Variants in EFCC1 observed in about 807,000 individuals in gnomAD.
EFCC1 encodes EF-hand and coiled-coil domain containing 1.
Under a neutral mutation model 52.1 loss-of-function variants are expected in EFCC1, and 50 were observed. The ratio of observed to expected loss-of-function variants is 0.96; its 90% CI spans 0.76 to 1.21. The LOEUF (loss-of-function observed/expected upper bound fraction) is 1.21. Ranked by LOEUF, EFCC1 falls within the 50% of genes most tolerant of loss-of-function variation. The pLI is 0.00. For missense variants in EFCC1, 837 were observed against 867.3 expected (o/e 0.97, Z 0.44); for synonymous variants, 399 against 396.5 (o/e 1.01, Z -0.08).
Position 129,001,837 on chromosome 3 carries a change from G to GCGCCGGCCGTCTGCCCCGCGC in EFCC1, c.212_232dup (p.Ala71_Ala77dup). ...GTCTTCCACCACCTGGACTGCCGCGGCGCCGGCCGTCTGCCCCGCGCCGAC... is the reference window on the plus strand; with the variant it reads ...GTCTTCCACCACCTGGACTGCCGCGGCGCCGGCCGTCTGCCCCGCGCCGCCGGCCGTCTGCCCCGCGCCGAC... On this transcript the variant is annotated inframe_insertion, in exon 1 of 8. Coordinates refer to ENST00000683648, the MANE Select transcript of EFCC1 (RefSeq NM_001377500.1). The GCGCCGGCCGTCTGCCCCGCGC allele has an allele frequency of 6.5e-7, 1 of 1,545,728 alleles. No individual in the cohort carries two copies. The highest frequency in any genetic ancestry group is 8.7e-7 in the Non-Finnish European group (1 of 1,145,650).
chr3:129,036,935 G>C, intron 5 of EFCC1, 42 bp from the exon 6 acceptor site: 1 of 1,612,574 alleles, frequency 6.2e-7, no homozygotes, highest in Non-Finnish European at 8.5e-7. Flanking sequence ...GGAAGGCTGG[G>C]AGAGGCCAGC....
rs543402046 is a variant in EFCC1 at position 129,003,845 on chromosome 3, C to G, written c.748C>G (p.Pro250Ala). 4.3e-4 allele frequency: 627 copies of G among 1,456,832 alleles called. 6 individuals are homozygous for G. The South Asian group carries it at 7.7e-3, about 18-fold the overall frequency. 90.2% of individuals were successfully genotyped at this position (1,456,832 alleles called of 1,614,324 possible). A position where few individuals can be genotyped will look rare whatever the true frequency, so the allele number is the denominator to read the frequency against. ...ASTHEMGHGG[P>A]EAAVRELRQA... is the part of the protein sequence containing the mutation. ...CACCCACGAGATGGGGCACGGCGGG[C>G]CGGAGGCTGCGGTGCGGGAGCTGCG... Residue 250 changes from proline to alanine, a missense_variant, in exon 2 of 8, where the codon CCG (proline) becomes GCG (alanine). Transcript: ENST00000683648.
rs189443448 is a variant in EFCC1, at chr3:129,012,749, A to G, written c.980+8672A>G. ...GGTTGGTGCTGTTACCAGGAGACAG[A>G]AAAGGATGCAGGTTAGACAGAAAAC... On this transcript the variant is annotated intron_variant, in intron 2 of 7. Transcript: ENST00000683648. 4.6e-5 allele frequency among the ~76,000 whole-genome samples: 7 copies of G among 152,338 alleles called. No individual in the cohort carries two copies. The East Asian group carries it at 1.2e-3, about 25-fold the overall frequency.
chr3:129,013,630 A>G (rs72979106), intron 2 of EFCC1, among the ~76,000 whole-genome samples: 24,930 of 152,076 alleles, frequency 0.16, 6,062 homozygotes, highest in African/African-American at 0.53. Context: ...CATAGGCCAC[A>G]CCCATCCTGG....
At chr3:129,027,623 A>G (rs1298882247) in intron 2 of EFCC1, among the ~76,000 whole-genome samples, 1 of 152,170 alleles carries the variant, frequency 6.6e-6, no homozygotes, top group Non-Finnish European at 1.5e-5. Flanking sequence ...ATATTTGGTC[A>G]TAGGAAGTCC....
chr3:129,027,652 A>C (rs1946163387), intron 2 of EFCC1, among the ~76,000 whole-genome samples: 1 of 152,086 alleles, frequency 6.6e-6, no homozygotes, highest in Non-Finnish European at 1.5e-5. Context: ...AGTCCATGTA[A>C]AACATGTAAA....
chr3:129,007,659 G>C (rs1021866028), intron 2 of EFCC1, among the ~76,000 whole-genome samples: 2 of 152,224 alleles, frequency 1.3e-5, no homozygotes, highest in Non-Finnish European at 2.9e-5. Flanking sequence ...TTGGGGTTGG[G>C]AGTGGTTTTA....
At chr3:129,036,565 G>A (rs1175843074) in intron 5 of EFCC1, among the ~76,000 whole-genome samples, 1 of 152,258 alleles carries the variant, frequency 6.6e-6, no homozygotes, top group Non-Finnish European at 1.5e-5. Context: ...TGGCTGGAGA[G>A]GGTCTTTCTC....
chr3:129,032,928 C>G lies in EFCC1; in HGVS notation c.1248C>G (p.Ala416=), dbSNP rs2107937181. 1.3e-6 allele frequency: 2 copies of G among 1,550,222 alleles called. No homozygotes were observed. Among genetic ancestry groups the G allele is most frequent in the Middle Eastern group, 1.8e-4 (1 of 5,660 alleles). Residue 416 remains alanine, a synonymous_variant, in exon 4 of 8, where the codon GCC becomes GCG. Coordinates refer to ENST00000683648, the MANE Select transcript of EFCC1 (RefSeq NM_001377500.1). The part of the protein sequence containing the change: ...QEEKKTPAAE[A]KTLLARLSSC... The stretch of plus-strand genomic sequence containing the variant: ...AGAAGAAGACGCCGGCAGCCGAGGC[C>G]AAGACACTGCTGGCCCGGCTCTCCA...
rs1342416908 is a variant in EFCC1 at position 129,028,489 on chromosome 3, A to G, written c.981-2214A>G. 2.0e-5 allele frequency among the ~76,000 whole-genome samples: 3 copies of G among 152,116 alleles called. No homozygotes were observed. The East Asian group carries it at 5.8e-4, about 29-fold the overall frequency. ...TAGGACTTTTATTCCTTTTGGAGTG[A>G]TTTTTCCAACAAAACTGTGAGAACA... is the stretch of plus-strand genomic sequence containing the variant. On this transcript the variant is annotated intron_variant, in intron 2 of 7. Transcript: ENST00000683648.
At chr3:129,007,622 G>A (rs566279545) in intron 2 of EFCC1, among the ~76,000 whole-genome samples, 2 of 152,284 alleles carry the variant, frequency 1.3e-5, no homozygotes, top group South Asian at 2.1e-4. Flanking sequence ...GTATTATGTC[G>A]GATGTTTCAA....
intron 7 of EFCC1, 116 bp downstream of exon 7, chr3:129,039,016 C>A: frequency 1.1e-6 from 1 of 945,402 alleles, no homozygotes; most frequent in Non-Finnish European, 1.7e-6. Context: ...CATGTTATTC[C>A]TGCCCTGCAT....
chr3:129,034,786 T>C (rs766698885), intron 5 of EFCC1, among the ~76,000 whole-genome samples: 8 of 152,134 alleles, frequency 5.3e-5, no homozygotes, highest in Non-Finnish European at 8.8e-5. Context: ...TCATTCCTAG[T>C]ACATGAAATC....
At chr3:129,004,130 T>G in intron 2 of EFCC1, 53 bp downstream of exon 2, 1 of 1,411,644 alleles carries the variant, frequency 7.1e-7, no homozygotes, top group Non-Finnish European at 9.2e-7. Flanking sequence ...GCTCCCATTT[T>G]CCCAAACTTC....
At chr3:129,037,565 A>G (rs1445141265) in intron 6 of EFCC1, among the ~76,000 whole-genome samples, 1 of 152,220 alleles carries the variant, frequency 6.6e-6, no homozygotes, top group East Asian at 1.9e-4. Flanking sequence ...AATACACCAC[A>G]TTGCAGATTA....
At chr3:129,031,808 G>C (rs1946278032) in intron 3 of EFCC1, among the ~76,000 whole-genome samples, 1 of 152,188 alleles carries the variant, frequency 6.6e-6, no homozygotes, top group Non-Finnish European at 1.5e-5. Flanking sequence ...CAACTCCCAA[G>C]CCAGAAGCAT....
In EFCC1 at chr3:129,030,764, A is replaced by C; in HGVS notation, c.1042A>C (p.Asn348His). The C allele has an allele frequency of 1.3e-6, 2 of 1,551,656 alleles. No individual in the cohort carries two copies. The highest frequency in any genetic ancestry group is 1.7e-6 in the Non-Finnish European group (2 of 1,146,958). The change falls in exon 3 of 8, where the codon AAT (asparagine) becomes CAT (histidine). Residue 348 changes from asparagine to histidine, a missense_variant. Coordinates refer to ENST00000683648, the MANE Select transcript of EFCC1 (RefSeq NM_001377500.1). ...LANPEPGDKS[N>H]EPEDAGTRDP... Reference sequence around the variant, plus strand: ...CAACCCAGAGCCAGGAGACAAGAGTAATGAACCTGAAGATGCTGGGACCAG... The same window carrying C: ...CAACCCAGAGCCAGGAGACAAGAGTCATGAACCTGAAGATGCTGGGACCAG...
chr3:129,003,464 G>A, intron 1 of EFCC1: 1 of 216,150 alleles, frequency 4.6e-6, no homozygotes, highest in Non-Finnish European at 7.9e-6. Flanking sequence ...GCTGAACGCC[G>A]CCAATACAGT....
intron 5 of EFCC1, among the ~76,000 whole-genome samples, chr3:129,034,925 C>T (rs1403537247): frequency 6.6e-6 from 1 of 152,118 alleles, no homozygotes; most frequent in Non-Finnish European, 1.5e-5. Flanking sequence ...GGGCAGTTTC[C>T]CAAAAGAAAG....
Sources: gnomAD v4.1 joint callset for allele counts (sites outside exome capture counted in the v4.1 genomes callset) on GRCh38, gnomAD v4.1.1 for gene constraint, MANE v1.5 for transcripts, NCBI Gene and HGNC (gene_info 2026-07-23, HGNC 2026-07-21) for gene names.